Variants in DHDDS observed in about 807,000 individuals in gnomAD.
The protein encoded by DHDDS is dehydrodolichyl diphosphate synthase complex subunit DHDDS.
DHDDS carries 16 observed loss-of-function variants against 46.2 expected under a neutral mutation model. The observed-to-expected ratio is 0.35, with a 90% confidence interval of 0.23 to 0.53. The LOEUF is 0.53. DHDDS is among the 20% of genes least tolerant of loss of function. The probability of loss-of-function intolerance (pLI) is 0.94; values close to 1 mark genes in which losing one functional copy is unlikely to be tolerated. For synonymous variants in DHDDS, 151 were observed against 163.1 expected (o/e 0.93, Z 0.56); for missense variants, 340 against 423.7 (o/e 0.80, Z 1.73).
At chr1:26,434,733 A>AG (rs1231245597) in intron 2 of DHDDS, among the ~76,000 whole-genome samples, 1 of 150,298 alleles carries the variant, frequency 6.7e-6, no homozygotes, top group East Asian at 2.0e-4. Context: ...GCTTACTGCA[A>AG]CCTCTGTCTC....
At position 26,436,401 on chromosome 1, in the gene DHDDS, T is replaced by TTTTGTTTGTTTG. The variant is rs57226446; in HGVS notation, c.64-1739_64-1728dup. ...CCTTGGGTAATAGAGTAAGACTCTGTTTTGTTTGTTTGTTTGTTTGTTTGT... is the reference window on the plus strand; with the variant it reads ...CCTTGGGTAATAGAGTAAGACTCTGTTTTGTTTGTTTGTTTGTTTGTTTGTTTGTTTGTTTGT... On this transcript the variant is annotated intron_variant, in intron 2 of 8. Coordinates refer to ENST00000236342, the MANE Select transcript of DHDDS (RefSeq NM_205861.3). 2.2e-3 allele frequency among the ~76,000 whole-genome samples: 328 copies of TTTTGTTTGTTTG among 147,996 alleles called. 2 individuals carry two copies. Among genetic ancestry groups the TTTTGTTTGTTTG allele is most frequent in the African/African-American group, 7.3e-3 (292 of 40,044 alleles).
At chr1:26,461,268 G>A (rs536671656) in intron 8 of DHDDS, among the ~76,000 whole-genome samples, 1 of 152,208 alleles carries the variant, frequency 6.6e-6, no homozygotes, top group Admixed American at 6.5e-5. Flanking sequence ...TGGTATTGGG[G>A]TCCCTTTGAA....
At chr1:26,449,422 A>G (rs2075298889) in intron 6 of DHDDS, among the ~76,000 whole-genome samples, 1 of 151,404 alleles carries the variant, frequency 6.6e-6, no homozygotes, top group Non-Finnish European at 1.5e-5. Flanking sequence ...TTATTTTGAG[A>G]CAGGGACTCA....
Position 26,432,987 on chromosome 1 carries a change from G to A in DHDDS, c.42G>A (p.Arg14=). ...AAGGAGAGCTGTCACTTTGGGAGCG[G>A]TTCTGTGCCAACATCATAAAGGTGA... The part of the protein sequence containing the change: ...IKEGELSLWE[R]FCANIIKAGP... Residue 14 remains arginine, a synonymous_variant, in exon 2 of 9, where the codon CGG becomes CGA. Coordinates refer to ENST00000236342, the MANE Select transcript of DHDDS (RefSeq NM_205861.3). 1.2e-6 allele frequency: 2 copies of A among 1,614,232 alleles called. No homozygotes were observed. Among genetic ancestry groups the A allele is most frequent in the Non-Finnish European group, 1.7e-6 (2 of 1,180,048 alleles).
rs550186397 is a variant in DHDDS at position 26,439,405 on chromosome 1, T to C, written c.180+1121T>C. On this transcript the variant is annotated intron_variant, in intron 3 of 8. Coordinates refer to ENST00000236342, the MANE Select transcript of DHDDS (RefSeq NM_205861.3). ...TTTCAGCCTGGGCAACATGGTGAGA[T>C]CCTGTCTCTACAAAACAAAAAAAAA... Among the ~76,000 whole-genome samples the C allele has an allele frequency of 2.6e-5, 4 of 151,716 alleles. No individual in the cohort carries two copies. The South Asian group carries it at 8.3e-4, about 32-fold the overall frequency.
Position 26,470,518 on chromosome 1 carries a change from T to C in DHDDS, c.*1387T>C, listed in dbSNP as rs1364984064. 1 of 152,156 alleles carries C rather than the reference T, an allele frequency of 6.6e-6. No individual in the cohort carries two copies. Among genetic ancestry groups the C allele is most frequent in the Non-Finnish European group, 1.5e-5 (1 of 68,012 alleles). The allele number at this position is 152,156 out of a possible 1,614,324, so 9.4% of individuals were successfully genotyped here. On this transcript the variant is annotated 3_prime_UTR_variant, in exon 9 of 9. Transcript: ENST00000236342. ...GGGAGAGGTGAAATCTTGCAAGTTGTAGCAAGAGCACACAGGAAACCCCTA... is the reference window on the plus strand; with the variant it reads ...GGGAGAGGTGAAATCTTGCAAGTTGCAGCAAGAGCACACAGGAAACCCCTA...
intron 8 of DHDDS, among the ~76,000 whole-genome samples, chr1:26,463,631 C>T (rs1325712286): frequency 1.3e-5 from 2 of 152,052 alleles, no homozygotes; most frequent in East Asian, 3.9e-4. Flanking sequence ...CTCAGCCTCC[C>T]AAGTGGCTGG....
intron 8 of DHDDS, chr1:26,467,211 G>A (rs2075499599): frequency 2.4e-6 from 1 of 417,666 alleles, no homozygotes; most frequent in Non-Finnish European, 5.1e-6. Context: ...GTGCATGGCT[G>A]TACAATCAGC....
chr1:26,469,546 T>C lies in DHDDS; in HGVS notation c.*415T>C. The C allele has an allele frequency of 3.7e-6, 1 of 267,430 alleles. No homozygotes were observed. The highest frequency in any genetic ancestry group is 7.5e-6 in the Non-Finnish European group (1 of 133,412). 16.6% of individuals were successfully genotyped at this position (267,430 alleles called of 1,614,324 possible). The stretch of plus-strand genomic sequence containing the variant: ...CTTCCACCCAGCTTCCACAAAAGAT[T>C]TGGCTCTACCTTGGATCTGCTAGTA... On this transcript the variant is annotated 3_prime_UTR_variant, in exon 9 of 9. Transcript: ENST00000236342.
At chr1:26,442,985 TGTTA>T in intron 4 of DHDDS, 112 bp downstream of exon 4, 2 of 1,557,754 alleles carry the variant, frequency 1.3e-6, no homozygotes, top group Non-Finnish European at 1.7e-6. Flanking sequence ...CTCTTTTTAA[TGTTA>T]GTTAGATATC....
chr1:26,433,623 G>A (rs1312351032), intron 2 of DHDDS, among the ~76,000 whole-genome samples: 2 of 150,388 alleles, frequency 1.3e-5, no homozygotes, highest in Non-Finnish European at 2.9e-5. Context: ...TCCAGCCTGG[G>A]TGACAGAACG....
At chr1:26,442,072 C>T (rs766864520) in intron 3 of DHDDS, among the ~76,000 whole-genome samples, 3 of 152,150 alleles carry the variant, frequency 2.0e-5, no homozygotes, top group Non-Finnish European at 4.4e-5. Context: ...ATAATGGAAT[C>T]AGACAGTTGA....
rs1383300615 is a variant in DHDDS at position 26,447,680 on chromosome 1, A to G, written c.542+20A>G. ...TCCCAGGTATCCCGAGTTGTTTTGC[A>G]TGGTAATTGTTAAGGAAAACAGGCC... On this transcript the variant is annotated intron_variant, in intron 6 of 8. Coordinates refer to ENST00000236342, the MANE Select transcript of DHDDS (RefSeq NM_205861.3). 1.2e-6 allele frequency: 2 copies of G among 1,605,392 alleles called. No individual in the cohort carries two copies. The highest frequency in any genetic ancestry group is 1.7e-5 in the Admixed American group (1 of 59,966).
intron 4 of DHDDS, among the ~76,000 whole-genome samples, chr1:26,443,489 T>C (rs2124408926): frequency 6.6e-6 from 1 of 152,264 alleles, no homozygotes; most frequent in South Asian, 2.1e-4. Flanking sequence ...AGGCTTAACT[T>C]AGGGAATAAA....
chr1:26,449,855 G>A (rs550110775), intron 6 of DHDDS, among the ~76,000 whole-genome samples: 3 of 152,250 alleles, frequency 2.0e-5, no homozygotes, highest in South Asian at 2.1e-4. Flanking sequence ...CACCGCGCCC[G>A]GCGGTTTTAG....
chr1:26,467,164 C>A (rs2075498914), intron 8 of DHDDS: 1 of 366,152 alleles, frequency 2.7e-6, no homozygotes, highest in South Asian at 2.0e-5. Flanking sequence ...AACTGCATGA[C>A]CCTTACCACA....
intron 6 of DHDDS, among the ~76,000 whole-genome samples, chr1:26,449,510 C>T (rs1171816414): frequency 6.6e-6 from 1 of 152,080 alleles, no homozygotes; most frequent in African/African-American, 2.4e-5. Context: ...AAGCAGTCCT[C>T]CCACTTCAGC....
chr1:26,447,813 C>A, intron 6 of DHDDS, 153 bp downstream of exon 6: 1 of 704,442 alleles, frequency 1.4e-6, no homozygotes, highest in South Asian at 1.5e-5. Flanking sequence ...GCCAACATGG[C>A]AAAACTCCCT....
chr1:26,457,850 A>C lies in DHDDS; in HGVS notation c.602A>C (p.Asp201Ala). 6.2e-7 allele frequency: 1 copy of C among 1,613,960 alleles called. No homozygotes were observed. The stretch of plus-strand genomic sequence containing the variant: ...TATACCAACCGCTCTCCTCATCCTG[A>C]CATCTTGATACGGACTTCTGGAGAA... The part of the protein sequence containing the change: ...CLYTNRSPHP[D>A]ILIRTSGEVR... Residue 201 changes from aspartate (D) to alanine (A), a missense_variant, in exon 7 of 9, where the codon GAC becomes GCC. Physicochemically the swap from Asp to Ala is moderately radical, Grantham distance 126. Around this residue, in one of 2 missense-constraint regions of DHDDS, gnomAD observed 268 missense variants for 300.3 expected, o/e 0.89. Transcript: ENST00000236342.
Sources: gnomAD v4.1 joint callset for allele counts (sites outside exome capture counted in the v4.1 genomes callset) on GRCh38, gnomAD v4.1.1 for gene constraint, gnomAD v4.1.1 regional missense constraint, MANE v1.5 for transcripts, NCBI Gene and HGNC (gene_info 2026-07-23, HGNC 2026-07-21) for gene names.